TAFA5: variants seen among roughly 807,000 people sequenced by gnomAD.
The protein encoded by TAFA5 is TAFA chemokine like family member 5.
TAFA5 carries 6 observed loss-of-function variants against 15.3 expected under a neutral mutation model. That is an observed-to-expected ratio of 0.39 (90% CI 0.21 to 0.77). The LOEUF (loss-of-function observed/expected upper bound fraction) is 0.77. Among genes scored for constraint, TAFA5 ranks in the 30% least tolerant of loss-of-function variants. TAFA5 has a pLI of 0.41. For missense variants in TAFA5, 161 were observed against 193.1 expected, an observed-to-expected ratio of 0.83 and a Z score of 0.98; for synonymous variants, 103 against 80.7, an observed-to-expected ratio of 1.28 and a Z score of -1.48.
At chr22:48,629,663 G>C (rs1202763949) in intron 1 of TAFA5, among the ~76,000 whole-genome samples, 1 of 152,164 alleles carries the variant, frequency 6.6e-6, no homozygotes, top group Non-Finnish European at 1.5e-5. Flanking sequence ...TGATGTCTGG[G>C]GACAGCTGTG....
chr22:48,654,567 C>T (rs998850166), intron 2 of TAFA5, among the ~76,000 whole-genome samples: 2 of 152,258 alleles, frequency 1.3e-5, no homozygotes, highest in Non-Finnish European at 2.9e-5. Flanking sequence ...GCTGCCCAGG[C>T]ACGTCCCATC....
intron 2 of TAFA5, among the ~76,000 whole-genome samples, chr22:48,660,964 G>T (rs1355130132): frequency 6.6e-6 from 1 of 152,172 alleles, no homozygotes; most frequent in Non-Finnish European, 1.5e-5. Context: ...TCTCTTCGGG[G>T]GAAACTCTGA....
chr22:48,563,310 G>A (rs1180535901), intron 1 of TAFA5, among the ~76,000 whole-genome samples: 3 of 152,062 alleles, frequency 2.0e-5, no homozygotes, highest in East Asian at 1.9e-4. Flanking sequence ...TTCCATGACT[G>A]TACCCACCCC....
intron 1 of TAFA5, among the ~76,000 whole-genome samples, chr22:48,531,895 C>T (rs545696506): frequency 2.6e-4 from 39 of 152,306 alleles, no homozygotes; most frequent in Admixed American, 1.8e-3. Context: ...AGAGGGTGGA[C>T]GTCCCACAGC....
intron 1 of TAFA5, among the ~76,000 whole-genome samples, chr22:48,495,496 A>G (rs1227392802): frequency 6.6e-6 from 1 of 152,078 alleles, no homozygotes; most frequent in African/African-American, 2.4e-5. Flanking sequence ...GACCTCCCAG[A>G]GGTGGTGAGA....
Position 48,724,027 on chromosome 22 carries a change from A to G in TAFA5, c.390+16183A>G, listed in dbSNP as rs552798309. Among the ~76,000 whole-genome samples, 12 of 152,346 alleles carry G rather than the reference A, an allele frequency of 7.9e-5. No homozygotes were observed. In the East Asian group the frequency reaches 2.3e-3, roughly 29 times the overall value. ...GGTCATTGGTGCTGTGCAACAGGAA[A>G]GACTCGGGGTGCTGGTTGCATTGCT... On this transcript the variant is annotated intron_variant, in intron 3 of 3. Transcript: ENST00000402357.
chr22:48,653,071 G>A (rs1448295100), intron 2 of TAFA5, among the ~76,000 whole-genome samples: 1 of 152,214 alleles, frequency 6.6e-6, no homozygotes, highest in African/African-American at 2.4e-5. Context: ...GGGCTGTCAG[G>A]ACACATACAT....
chr22:48,638,710 T>A (rs11703209), intron 1 of TAFA5, among the ~76,000 whole-genome samples: 7 of 44,752 alleles, frequency 1.6e-4, no homozygotes, highest in Admixed American at 1.4e-3. Context: ...CCTGGGACAC[T>A]GCACACAGGG....
intron 2 of TAFA5, among the ~76,000 whole-genome samples, chr22:48,664,815 C>T (rs1359670218): frequency 6.6e-6 from 1 of 152,186 alleles, no homozygotes; most frequent in African/African-American, 2.4e-5. Context: ...TGTCCCTGTA[C>T]CGCCATCTAT....
chr22:48,746,225 G>C (rs940350370), intron 3 of TAFA5, among the ~76,000 whole-genome samples: 6 of 152,038 alleles, frequency 3.9e-5, no homozygotes, highest in Non-Finnish European at 7.4e-5. Context: ...AGTCGTCCAG[G>C]GCATTCTGGG....
chr22:48,525,283 C>T (rs1009445775), intron 1 of TAFA5, among the ~76,000 whole-genome samples: 1 of 152,150 alleles, frequency 6.6e-6, no homozygotes, highest in Non-Finnish European at 1.5e-5. Flanking sequence ...ATGGGGGGTC[C>T]CATCTTAGGC....
At chr22:48,568,403 T>TG (rs1338093977) in intron 1 of TAFA5, among the ~76,000 whole-genome samples, 1 of 152,216 alleles carries the variant, frequency 6.6e-6, no homozygotes, top group Admixed American at 6.5e-5. Context: ...CCAGCCCTGC[T>TG]GGGGCATCTA....
intron 1 of TAFA5, among the ~76,000 whole-genome samples, chr22:48,613,568 C>T (rs1325273240): frequency 3.9e-5 from 6 of 152,182 alleles, no homozygotes; most frequent in East Asian, 3.9e-4. Flanking sequence ...TTCGGCCAGG[C>T]GCTCATCTCG....
chr22:48,583,046 A>G (rs1412593440), intron 1 of TAFA5, among the ~76,000 whole-genome samples: 1 of 147,616 alleles, frequency 6.8e-6, no homozygotes, highest in African/African-American at 2.5e-5. Flanking sequence ...CACCACACAC[A>G]CCGCACACAA....
At chr22:48,664,831 T>A (rs900504820) in intron 2 of TAFA5, among the ~76,000 whole-genome samples, 12 of 152,242 alleles carry the variant, frequency 7.9e-5, no homozygotes, top group African/African-American at 2.4e-4. Flanking sequence ...TCTATCTGTC[T>A]GTGCCAAGGA....
At chr22:48,596,643 G>A (rs892540803) in intron 1 of TAFA5, among the ~76,000 whole-genome samples, 1 of 151,916 alleles carries the variant, frequency 6.6e-6, no homozygotes, top group Non-Finnish European at 1.5e-5. Flanking sequence ...ACATTGACAC[G>A]CTGTTATTAA....
At chr22:48,655,344 C>CA (rs1274500996) in intron 2 of TAFA5, among the ~76,000 whole-genome samples, 1 of 152,166 alleles carries the variant, frequency 6.6e-6, no homozygotes, top group Non-Finnish European at 1.5e-5. Flanking sequence ...TGTCTTGGTC[C>CA]ACTTTGTGAT....
intron 1 of TAFA5, among the ~76,000 whole-genome samples, chr22:48,542,511 ATG>A (rs1177305189): frequency 7.9e-5 from 4 of 50,610 alleles, no homozygotes; most frequent in East Asian, 7.2e-4. Context: ...CGTGTGTGGC[ATG>A]TGTGTGTGCA....
intron 1 of TAFA5, among the ~76,000 whole-genome samples, chr22:48,589,663 C>T (rs1924488833): frequency 6.6e-6 from 1 of 151,878 alleles, no homozygotes; most frequent in Non-Finnish European, 1.5e-5. Context: ...CACCCAAACT[C>T]CAAAGGCAAG....
Sources: gnomAD v4.1 joint callset for allele counts (sites outside exome capture counted in the v4.1 genomes callset) on GRCh38, gnomAD v4.1.1 for gene constraint, MANE v1.5 for transcripts, NCBI Gene and HGNC (gene_info 2026-07-23, HGNC 2026-07-21) for gene names.